The following BSN variants were observed in gnomAD, a reference collection of about 807,000 sequenced individuals.
The protein encoded by BSN is bassoon presynaptic cytomatrix protein, also known as protein bassoon.
Under a neutral mutation model 264.8 loss-of-function variants are expected in BSN, and 57 were observed. The ratio of observed to expected loss-of-function variants is 0.22; its 90% CI spans 0.17 to 0.27. The LOEUF is 0.27. Among genes scored for constraint, BSN ranks in the 10% least tolerant of loss-of-function variants. BSN has a pLI of 1.00. For missense variants in BSN, 4,615 were observed against 5,232.5 expected (o/e 0.88, Z 3.64); for synonymous variants, 2,059 against 2,137.3 (o/e 0.96, Z 1.01).
chr3:49,602,589 G>T (rs1028376760), intron 1 of BSN, among the ~76,000 whole-genome samples: 2 of 151,950 alleles, frequency 1.3e-5, no homozygotes, highest in Non-Finnish European at 2.9e-5. Context: ...GGGATTACAG[G>T]CACACACCAC....
Position 49,662,322 on chromosome 3 carries a change from G to A in BSN, c.10477G>A (p.Val3493Ile), listed in dbSNP as rs2108096657. 6.2e-7 allele frequency: 1 copy of A among 1,613,670 alleles called. No individual in the cohort carries two copies. Among genetic ancestry groups the A allele is most frequent in the Non-Finnish European group, 8.5e-7 (1 of 1,179,834 alleles). Reference protein sequence around the residue: ...PSSLSMAHSRVRPPMRSQASE... With the variant: ...PSSLSMAHSRIRPPMRSQASE... ...ATCCCTAAGTATGGCCCACAGCCGGGTACGACCCCCCATGCGGAGCCAGGC... is the reference window on the plus strand; with the variant it reads ...ATCCCTAAGTATGGCCCACAGCCGGATACGACCCCCCATGCGGAGCCAGGC... The change falls in exon 6 of 12, where the codon GTA becomes ATA. Residue 3493 changes from valine to isoleucine, a missense_variant. Val to Ile is a conservative substitution (Grantham distance 29). Coordinates refer to ENST00000296452, the MANE Select transcript of BSN (RefSeq NM_003458.4).
At chr3:49,630,726 G>C (rs2108062394) in intron 2 of BSN, among the ~76,000 whole-genome samples, 1 of 152,124 alleles carries the variant, frequency 6.6e-6, no homozygotes, top group East Asian at 1.9e-4. Context: ...CATATCTAAG[G>C]GCAAAGGAAA....
chr3:49,650,683 C>G lies in BSN; in HGVS notation c.1590C>G (p.Pro530=), dbSNP rs769422012. Residue 530 remains proline (P), a synonymous_variant, in exon 4 of 12, where the codon CCC becomes CCG. Transcript: ENST00000296452. ...AGGGCAGCCTAGGAGAGCCGACCCC[C>G]CTGCCGCCGCCCACCTCACAGCAGC... ...LLEGSLGEPT[P]LPPPTSQQPP... 6.8e-6 allele frequency: 11 copies of G among 1,610,198 alleles called. No homozygotes were observed. Among genetic ancestry groups the G allele is most frequent in the Non-Finnish European group, 8.5e-6 (10 of 1,179,016 alleles).
At chr3:49,643,267 C>T (rs1180646282) in intron 3 of BSN, 115 bp downstream of exon 3, 6 of 1,452,044 alleles carry the variant, frequency 4.1e-6, no homozygotes, top group Non-Finnish European at 9.1e-7. Flanking sequence ...GGGGCTGCTC[C>T]TGTACAACTA....
intron 1 of BSN, among the ~76,000 whole-genome samples, chr3:49,564,814 C>G (rs1446019315): frequency 2.0e-5 from 3 of 152,168 alleles, no homozygotes. Flanking sequence ...TGCACCCTAG[C>G]CATGGCAGCC....
At chr3:49,628,744 A>G (rs1215149313) in intron 2 of BSN, among the ~76,000 whole-genome samples, 1 of 152,198 alleles carries the variant, frequency 6.6e-6, no homozygotes, top group Non-Finnish European at 1.5e-5. Context: ...GTCTTGGCTT[A>G]TTCTGGGTTA....
chr3:49,583,753 G>T (rs145580322), intron 1 of BSN, among the ~76,000 whole-genome samples: 1 of 152,042 alleles, frequency 6.6e-6, no homozygotes, highest in Non-Finnish European at 1.5e-5. Flanking sequence ...GGTCTATTCC[G>T]ATTTTTCATT....
At chr3:49,643,855 C>G (rs2052486547) in intron 3 of BSN, among the ~76,000 whole-genome samples, 1 of 152,222 alleles carries the variant, frequency 6.6e-6, no homozygotes, top group African/African-American at 2.4e-5. Flanking sequence ...TCTCCGCAGC[C>G]CCTGCTCCAG....
intron 2 of BSN, among the ~76,000 whole-genome samples, chr3:49,641,028 AGGCTGGGGTGG>A (rs2052458973): frequency 7.3e-6 from 1 of 136,676 alleles, no homozygotes; most frequent in Non-Finnish European, 1.6e-5. Flanking sequence ...AGAGAGGGGG[AGGCTGGGGTGG>A]GGCTGGGTTG....
intron 1 of BSN, among the ~76,000 whole-genome samples, chr3:49,593,864 G>A (rs145495407): frequency 5.8e-4 from 86 of 147,592 alleles, no homozygotes; most frequent in African/African-American, 1.8e-3. Context: ...GTGCGGTGGC[G>A]TGATCTTGGC....
rs758842803 is a variant in BSN at position 49,655,452 on chromosome 3, C to G, written c.5896C>G (p.His1966Asp). 6.3e-7 allele frequency: 1 copy of G among 1,574,860 alleles called. No individual in the cohort carries two copies. The highest frequency in any genetic ancestry group is 2.2e-5 in the East Asian group (1 of 44,488). ...RAQGVVGPGP[H>D]EEQRPYPQGL... ...ACAGGGGGTGGTGGGGCCTGGGCCC[C>G]ATGAGGAGCAGAGGCCCTACCCACA... Residue 1966 changes from histidine to aspartate, a missense_variant, in exon 5 of 12, where the codon CAT becomes GAT. By Grantham distance (81) the His-to-Asp change is moderately conservative (BLOSUM62 -1). Coordinates refer to ENST00000296452, the MANE Select transcript of BSN (RefSeq NM_003458.4).
intron 3 of BSN, among the ~76,000 whole-genome samples, chr3:49,645,002 T>C (rs547408089): frequency 6.6e-6 from 1 of 152,296 alleles, no homozygotes; most frequent in South Asian, 2.1e-4. Flanking sequence ...GTTCTGGCTA[T>C]CCTGGACCCT....
intron 1 of BSN, among the ~76,000 whole-genome samples, chr3:49,568,612 A>G (rs535957738): frequency 6.6e-6 from 1 of 152,192 alleles, no homozygotes; most frequent in Admixed American, 6.5e-5. Flanking sequence ...AATCTTGAAG[A>G]TCACCCTGTA....
chr3:49,627,940 T>G (rs1370222439), intron 2 of BSN, among the ~76,000 whole-genome samples: 1 of 152,218 alleles, frequency 6.6e-6, no homozygotes, highest in Non-Finnish European at 1.5e-5. Context: ...CTGGGTAGTA[T>G]GCCTGGAGCT....
intron 2 of BSN, among the ~76,000 whole-genome samples, chr3:49,633,312 AAAAG>A (rs1443775730): frequency 6.6e-6 from 1 of 151,928 alleles, no homozygotes; most frequent in Non-Finnish European, 1.5e-5. Flanking sequence ...AAAAAAAAAA[AAAAG>A]AAAAAAAGAA....
Position 49,582,447 on chromosome 3 carries a change from C to T in BSN, c.224+27621C>T, listed in dbSNP as rs560086339. Among the ~76,000 whole-genome samples the T allele has an allele frequency of 3.3e-5, 5 of 152,340 alleles. No individual in the cohort carries two copies. In the South Asian group the frequency reaches 1.0e-3, roughly 32 times the overall value. On this transcript the variant is annotated intron_variant, in intron 1 of 11. Coordinates refer to ENST00000296452, the MANE Select transcript of BSN (RefSeq NM_003458.4). ...GCTTCAGCCTACTGAGGAACTGGAACTACAGGCCCAGCTGAAATGAACTGC... is the reference window on the plus strand; with the variant it reads ...GCTTCAGCCTACTGAGGAACTGGAATTACAGGCCCAGCTGAAATGAACTGC...
At chr3:49,671,780 G>A (rs1025224712), downstream of BSN, among the ~76,000 whole-genome samples, 3 of 152,194 alleles carry the variant, frequency 2.0e-5, no homozygotes, top group Non-Finnish European at 2.9e-5. The surrounding 1 kb of genome is among the most constrained non-coding windows in gnomAD (Gnocchi z 4.1). Context: ...CAGTCAGTGC[G>A]CAGGCTGTTG....
At chr3:49,569,445 C>T (rs2051779972) in intron 1 of BSN, among the ~76,000 whole-genome samples, 1 of 152,166 alleles carries the variant, frequency 6.6e-6, no homozygotes, top group African/African-American at 2.4e-5. Flanking sequence ...TAAGTGCCTA[C>T]TAGTTGATGT....
At chr3:49,582,692 T>C (rs1003360275) in intron 1 of BSN, among the ~76,000 whole-genome samples, 1 of 152,182 alleles carries the variant, frequency 6.6e-6, no homozygotes, top group Non-Finnish European at 1.5e-5. Flanking sequence ...ATAGAAATGG[T>C]AAAACTTCCT....
Sources: allele counts gnomAD v4.1 joint callset (sites outside exome capture counted in the v4.1 genomes callset), GRCh38; gene constraint gnomAD v4.1.1; non-coding constraint Gnocchi (gnomAD v3.1); transcripts MANE v1.5; gene names NCBI Gene and HGNC (gene_info 2026-07-23, HGNC 2026-07-21).